CLDN23: variants seen among roughly 807,000 people sequenced by gnomAD.
CLDN23 encodes the protein claudin-23.
In CLDN23, 3 loss-of-function variants were observed where a neutral mutation model predicts 1.4. That is an observed-to-expected ratio of 2.10 (90% CI 0.96 to 5.43). The LOEUF (loss-of-function observed/expected upper bound fraction) is 5.43, where lower values mean the gene tolerates loss of function less well. Ranked by LOEUF, CLDN23 falls within the 30% of genes most tolerant of loss-of-function variation. CLDN23 has a pLI of 0.02. For missense variants in CLDN23, 597 were observed against 433.5 expected (o/e 1.38, Z -3.35); for synonymous variants, 291 against 209.9 (o/e 1.39, Z -3.34).
Position 8,702,571 on chromosome 8 carries a change from G to A in CLDN23, c.173G>A (p.Ser58Asn). ...TGGGACATGTGTCGCGAGCAGAGCA[G>A]CCGCGAGCGCGAGTGCGGCCAGACG... ...GLWDMCREQS[S>N]RERECGQTDQ... The change falls in exon 1 of 1, where the codon AGC becomes AAC. Residue 58 changes from serine (S) to asparagine (N), a missense_variant. Transcript: ENST00000519106. 6.2e-7 allele frequency: 1 copy of A among 1,610,258 alleles called. No homozygotes were observed. Among genetic ancestry groups the A allele is most frequent in the Non-Finnish European group, 8.5e-7 (1 of 1,178,264 alleles).
Position 8,703,144 on chromosome 8 carries a change from T to G in CLDN23, c.746T>G (p.Met249Arg), listed in dbSNP as rs1482974163. The G allele has an allele frequency of 6.5e-7, 1 of 1,539,246 alleles. No homozygotes were observed. Among genetic ancestry groups the G allele is most frequent in the Admixed American group, 1.9e-5 (1 of 51,500 alleles). ...PKPKPKVGFP[M>R]PRPRPKAYTN... ...CCCAAGCCCAAGGTCGGCTTCCCCATGCCGCGGCCGCGGCCCAAGGCCTAC... is the reference window on the plus strand; with the variant it reads ...CCCAAGCCCAAGGTCGGCTTCCCCAGGCCGCGGCCGCGGCCCAAGGCCTAC... Residue 249 changes from methionine (M) to arginine (R), a missense_variant, in exon 1 of 1, where the codon ATG becomes AGG. Coordinates refer to ENST00000519106, the MANE Select transcript of CLDN23 (RefSeq NM_194284.3).
chr8:8,703,129 A>T lies in CLDN23; in HGVS notation c.731A>T (p.Lys244Met). The T allele has an allele frequency of 6.5e-7, 1 of 1,545,356 alleles. No individual in the cohort carries two copies. The highest frequency in any genetic ancestry group is 8.7e-7 in the Non-Finnish European group (1 of 1,154,158). The change falls in exon 1 of 1, where the codon AAG becomes ATG. Residue 244 changes from lysine to methionine, a missense_variant. Physicochemically the swap from Lys to Met is moderately conservative, Grantham distance 95 (BLOSUM62 -1). Coordinates refer to ENST00000519106, the MANE Select transcript of CLDN23 (RefSeq NM_194284.3). ...AQHRKPKPKP[K>M]VGFPMPRPRP... The stretch of plus-strand genomic sequence containing the variant: ...CACCGCAAGCCCAAGCCCAAGCCCA[A>T]GGTCGGCTTCCCCATGCCGCGGCCG...
Position 8,703,331 on chromosome 8 carries a change from G to A in CLDN23, c.*54G>A. 1 of 1,304,470 alleles carries A rather than the reference G, an allele frequency of 7.7e-7. No individual in the cohort carries two copies. The highest frequency in any genetic ancestry group is 9.8e-7 in the Non-Finnish European group (1 of 1,019,348). The allele number at this position is 1,304,470 out of a possible 1,614,324, so 80.8% of individuals were successfully genotyped here. A position where few individuals can be genotyped will look rare whatever the true frequency, so the allele number is the denominator to read the frequency against. ...TGGCAAAGGACTCACCCCCGCACAGGCCCGCCTGGCTTCGAGTTGGAACCC... is the reference window on the plus strand; with the variant it reads ...TGGCAAAGGACTCACCCCCGCACAGACCCGCCTGGCTTCGAGTTGGAACCC... On this transcript the variant is annotated 3_prime_UTR_variant, in exon 1 of 1. Coordinates refer to ENST00000519106, the MANE Select transcript of CLDN23 (RefSeq NM_194284.3).
chr8:8,702,980 G>T lies in CLDN23; in HGVS notation c.582G>T (p.Lys194Asn). ...WCDERCRRRR[K>N]GPSAGPRRSS... ...ACGAGCGTTGTCGCCGCCGCCGCAAGGGACCCTCCGCCGGGCCTCGCCGCA... is the reference window on the plus strand; with the variant it reads ...ACGAGCGTTGTCGCCGCCGCCGCAATGGACCCTCCGCCGGGCCTCGCCGCA... The change falls in exon 1 of 1, where the codon AAG becomes AAT. Residue 194 changes from lysine to asparagine, a missense_variant. By Grantham distance (94) the Lys-to-Asn change is moderately conservative. Coordinates refer to ENST00000519106, the MANE Select transcript of CLDN23 (RefSeq NM_194284.3). 1 of 1,565,614 alleles carries T rather than the reference G, an allele frequency of 6.4e-7. No individual in the cohort carries two copies. Among genetic ancestry groups the T allele is most frequent in the East Asian group, 2.3e-5 (1 of 42,972 alleles).
chr8:8,703,689 T>C lies in CLDN23; in HGVS notation c.*412T>C, dbSNP rs1233642181. 5.8e-6 allele frequency: 1 copy of C among 171,780 alleles called. No homozygotes were observed. The highest frequency in any genetic ancestry group is 1.4e-5 in the Non-Finnish European group (1 of 71,576). 10.6% of individuals were successfully genotyped at this position (171,780 alleles called of 1,614,324 possible). On this transcript the variant is annotated 3_prime_UTR_variant, in exon 1 of 1. Coordinates refer to ENST00000519106, the MANE Select transcript of CLDN23 (RefSeq NM_194284.3). ...ATTATTGGGTTTTTTTTCTTTTTCC[T>C]GCTGTATAACTCCTTGCCATGCAAA...
chr8:8,703,396 T>G lies in CLDN23; in HGVS notation c.*119T>G. ...CACTGGTGTGGATGGAAATCTGCCTTTCGTGGGACCAAACAGGACTCCTTG... is the reference window on the plus strand; with the variant it reads ...CACTGGTGTGGATGGAAATCTGCCTGTCGTGGGACCAAACAGGACTCCTTG... On this transcript the variant is annotated 3_prime_UTR_variant, in exon 1 of 1. Transcript: ENST00000519106. The G allele has an allele frequency of 9.7e-7, 1 of 1,029,820 alleles. No individual in the cohort carries two copies. The highest frequency in any genetic ancestry group is 4.0e-5 in the South Asian group (1 of 24,746). The allele number at this position is 1,029,820 out of a possible 1,614,324, so 63.8% of individuals were successfully genotyped here. A position where few individuals can be genotyped will look rare whatever the true frequency, so the allele number is the denominator to read the frequency against.
chr8:8,702,499 A>G lies in CLDN23; in HGVS notation c.101A>G (p.Lys34Arg). The G allele has an allele frequency of 6.2e-7, 1 of 1,608,098 alleles. No homozygotes were observed. Residue 34 changes from lysine (K) to arginine (R), a missense_variant, in exon 1 of 1, where the codon AAG becomes AGG. By Grantham distance (26) the Lys-to-Arg change is conservative. Coordinates refer to ENST00000519106, the MANE Select transcript of CLDN23 (RefSeq NM_194284.3). ...CTGGCGCCCGGCTGGCGGCTGGTGA[A>G]GGGCTTCCTGAACCAGCCAGTGGAC... The part of the protein sequence containing the change: ...GTLAPGWRLV[K>R]GFLNQPVDVE...
At position 8,702,541 on chromosome 8, in the gene CLDN23, G is replaced by A; in HGVS notation, c.143G>A (p.Gly48Asp). ...NQPVDVELYQ[G>D]LWDMCREQSS... ...CCAGTGGACGTGGAGTTGTACCAGGGCCTGTGGGACATGTGTCGCGAGCAG... is the reference window on the plus strand; with the variant it reads ...CCAGTGGACGTGGAGTTGTACCAGGACCTGTGGGACATGTGTCGCGAGCAG... Residue 48 changes from glycine (G) to aspartate (D), a missense_variant, in exon 1 of 1, where the codon GGC (glycine) becomes GAC (aspartate). Coordinates refer to ENST00000519106, the MANE Select transcript of CLDN23 (RefSeq NM_194284.3). 1 of 1,611,930 alleles carries A rather than the reference G, an allele frequency of 6.2e-7. No individual in the cohort carries two copies. The highest frequency in any genetic ancestry group is 8.5e-7 in the Non-Finnish European group (1 of 1,179,318).
At position 8,703,012 on chromosome 8, in the gene CLDN23, T is replaced by A; in HGVS notation, c.614T>A (p.Val205Asp). Residue 205 changes from valine to aspartate, a missense_variant, in exon 1 of 1, where the codon GTC (valine) becomes GAC (aspartate). Coordinates refer to ENST00000519106, the MANE Select transcript of CLDN23 (RefSeq NM_194284.3). ...GPSAGPRRSS[V>D]STIQVEWPEP... ...TCCGCCGGGCCTCGCCGCAGCAGCG[T>A]CAGCACCATCCAAGTGGAGTGGCCC... 1.3e-6 allele frequency: 2 copies of A among 1,560,634 alleles called. No individual in the cohort carries two copies. Among genetic ancestry groups the A allele is most frequent in the South Asian group, 1.2e-5 (1 of 86,300 alleles).
At position 8,702,652 on chromosome 8, in the gene CLDN23, TCA is replaced by T; in HGVS notation, c.256_257del (p.Thr86LeufsTer284). On this transcript the variant is annotated frameshift_variant, in exon 1 of 1. Transcript: ENST00000519106. LOFTEE classifies it low-confidence loss of function (END_TRUNC). Reference sequence around the variant, plus strand: ...GTGCTGGTGGCGCGGGCACTCATGGTCACCTCGCTGGCCGCCACGGTCCTGGG... The same window carrying T: ...GTGCTGGTGGCGCGGGCACTCATGGTCCTCGCTGGCCGCCACGGTCCTGGG... The T allele has an allele frequency of 6.2e-7, 1 of 1,604,698 alleles. No homozygotes were observed. The highest frequency in any genetic ancestry group is 8.5e-7 in the Non-Finnish European group (1 of 1,177,512).
In CLDN23 at chr8:8,703,043, C is replaced by G. The variant is rs764678438; in HGVS notation, c.645C>G (p.Pro215=). ...CCATCCAAGTGGAGTGGCCCGAGCC[C>G]GACCTGGCGCCCGCCATCAAGTACT... ...VSTIQVEWPE[P]DLAPAIKYYS... The change falls in exon 1 of 1, where the codon CCC becomes CCG. Residue 215 remains proline, a synonymous_variant. Transcript: ENST00000519106. 6.5e-7 allele frequency: 1 copy of G among 1,530,600 alleles called. No homozygotes were observed. Among genetic ancestry groups the G allele is most frequent in the Non-Finnish European group, 8.7e-7 (1 of 1,144,356 alleles). 94.8% of individuals were successfully genotyped at this position (1,530,600 alleles called of 1,614,324 possible). A position where few individuals can be genotyped will look rare whatever the true frequency, so the allele number is the denominator to read the frequency against.
Position 8,702,019 on chromosome 8 carries a change from C to T in CLDN23, c.-380C>T, listed in dbSNP as rs545960884. ...TCTCACCTGCCGCGGGCGAGGTGGC[C>T]CCGCCGCTTCCTGCGCTCACCTCGG... On this transcript the variant is annotated 5_prime_UTR_variant, in exon 1 of 1. Coordinates refer to ENST00000519106, the MANE Select transcript of CLDN23 (RefSeq NM_194284.3). 3.8e-4 allele frequency: 64 copies of T among 170,154 alleles called. No individual in the cohort carries two copies. The highest frequency in any genetic ancestry group is 7.0e-4 in the Non-Finnish European group (57 of 80,882). The allele number at this position is 170,154 out of a possible 1,614,324, so 10.5% of individuals were successfully genotyped here.
At position 8,703,612 on chromosome 8, in the gene CLDN23, A is replaced by C; in HGVS notation, c.*335A>C. 4.1e-6 allele frequency: 1 copy of C among 243,846 alleles called. No individual in the cohort carries two copies. Among genetic ancestry groups the C allele is most frequent in the African/African-American group, 2.2e-5 (1 of 44,566 alleles). The allele number at this position is 243,846 out of a possible 1,614,324, so 15.1% of individuals were successfully genotyped here. ...ATCAGCAGTGCTCAGAAACAATTTA[A>C]CATGTTGAAACGACAATATTCTAAA... On this transcript the variant is annotated 3_prime_UTR_variant, in exon 1 of 1. Transcript: ENST00000519106.
chr8:8,703,107 C>T lies in CLDN23; in HGVS notation c.709C>T (p.Arg237Cys), dbSNP rs935224815. The change falls in exon 1 of 1, where the codon CGC (arginine) becomes TGC (cysteine). Residue 237 changes from arginine (R) to cysteine (C), a missense_variant. Physicochemically the swap from Arg to Cys is radical, Grantham distance 180 (BLOSUM62 -3). Transcript: ENST00000519106. ...GQHRPPPAQHRKPKPKPKVGF... is the reference protein window; with the variant it reads ...GQHRPPPAQHCKPKPKPKVGF... ...GCACCGACCGCCGCCTGCCCAGCAC[C>T]GCAAGCCCAAGCCCAAGCCCAAGGT... is the stretch of plus-strand genomic sequence containing the variant. The T allele has an allele frequency of 1.9e-6, 3 of 1,545,182 alleles. No individual in the cohort carries two copies. Among genetic ancestry groups the T allele is most frequent in the African/African-American group, 2.8e-5 (2 of 71,944 alleles).
Position 8,702,144 on chromosome 8 carries a change from A to T in CLDN23, c.-255A>T. On this transcript the variant is annotated 5_prime_UTR_variant, in exon 1 of 1. Coordinates refer to ENST00000519106, the MANE Select transcript of CLDN23 (RefSeq NM_194284.3). ...CAGACCCGCCCGCGGGCTGGTTTCG[A>T]TTAGGGCCAGTAGGAGGGCGGAGCG... The T allele has an allele frequency of 2.7e-6, 1 of 363,816 alleles. No homozygotes were observed. The highest frequency in any genetic ancestry group is 4.9e-6 in the Non-Finnish European group (1 of 204,408). 22.5% of individuals were successfully genotyped at this position (363,816 alleles called of 1,614,324 possible).
Position 8,702,261 on chromosome 8 carries a change from C to G in CLDN23, c.-138C>G. ...CTGGAGCGATCAGGGCTCAGGAGCC[C>G]GACCCGGAGCCCGGGGCGTCCGCGC... is the stretch of plus-strand genomic sequence containing the variant. On this transcript the variant is annotated 5_prime_UTR_variant, in exon 1 of 1. Transcript: ENST00000519106. The G allele has an allele frequency of 2.1e-6, 2 of 935,894 alleles. No homozygotes were observed. Among genetic ancestry groups the G allele is most frequent in the Non-Finnish European group, 3.1e-6 (2 of 655,604 alleles). The allele number at this position is 935,894 out of a possible 1,614,324, so 58.0% of individuals were successfully genotyped here. A position where few individuals can be genotyped will look rare whatever the true frequency, so the allele number is the denominator to read the frequency against.
Position 8,702,450 on chromosome 8 carries a change from C to A in CLDN23, c.52C>A (p.Leu18Ile). The A allele has an allele frequency of 6.3e-7, 1 of 1,594,508 alleles. No homozygotes were observed. Among genetic ancestry groups the A allele is most frequent in the Non-Finnish European group, 8.5e-7 (1 of 1,171,850 alleles). The stretch of plus-strand genomic sequence containing the variant: ...GGGCATGGTGTTGGCGCCCTGCGGG[C>A]TCCTGCTCAACCTGACCGGCACCCT... ...TLGMVLAPCG[L>I]LLNLTGTLAP... The change falls in exon 1 of 1, where the codon CTC (leucine) becomes ATC (isoleucine). Residue 18 changes from leucine (L) to isoleucine (I), a missense_variant. Coordinates refer to ENST00000519106, the MANE Select transcript of CLDN23 (RefSeq NM_194284.3).
In CLDN23 at chr8:8,702,644, A is replaced by T. The variant is rs1309166866; in HGVS notation, c.246A>T (p.Ala82=). The T allele has an allele frequency of 6.2e-7, 1 of 1,603,472 alleles. No homozygotes were observed. Among genetic ancestry groups the T allele is most frequent in the African/African-American group, 1.3e-5 (1 of 74,760 alleles). ...CCCAGCCCGTGCTGGTGGCGCGGGCACTCATGGTCACCTCGCTGGCCGCCA... is the reference window on the plus strand; with the variant it reads ...CCCAGCCCGTGCTGGTGGCGCGGGCTCTCATGGTCACCTCGCTGGCCGCCA... ...FEAQPVLVAR[A]LMVTSLAATV... The change falls in exon 1 of 1, where the codon GCA becomes GCT. Residue 82 remains alanine, a synonymous_variant. Coordinates refer to ENST00000519106, the MANE Select transcript of CLDN23 (RefSeq NM_194284.3).
At position 8,704,055 on chromosome 8, in the gene CLDN23, A is replaced by T. The variant is rs1802838595; in HGVS notation, c.*778A>T. 1 of 166,590 alleles carries T rather than the reference A, an allele frequency of 6.0e-6. No individual in the cohort carries two copies. Among genetic ancestry groups the T allele is most frequent in the South Asian group, 2.1e-4 (1 of 4,822 alleles). 10.3% of individuals were successfully genotyped at this position (166,590 alleles called of 1,614,324 possible). On this transcript the variant is annotated 3_prime_UTR_variant, in exon 1 of 1. Transcript: ENST00000519106. ...ACCTGTTAATCATATTAAAGCACATATGTATATATCTTTTATTTATAAATA... is the reference window on the plus strand; with the variant it reads ...ACCTGTTAATCATATTAAAGCACATTTGTATATATCTTTTATTTATAAATA...
Sources: allele counts gnomAD v4.1 joint callset, GRCh38; gene constraint gnomAD v4.1.1; transcripts MANE v1.5; gene names NCBI Gene and HGNC (gene_info 2026-07-23, HGNC 2026-07-21).